Variants in RAD54B observed in about 807,000 individuals in gnomAD.
RAD54B encodes the protein DNA repair and recombination protein RAD54B.
RAD54B carries 78 observed loss-of-function variants against 95.8 expected under a neutral mutation model. That is an observed-to-expected ratio of 0.81 (90% CI 0.68 to 0.98). The LOEUF is 0.98. Among genes scored for constraint, RAD54B ranks in the 50% least tolerant of loss-of-function variants. The pLI, the probability that RAD54B is intolerant of heterozygous loss-of-function variation, is 0.00. For synonymous variants in RAD54B, 328 were observed against 354.9 expected, an observed-to-expected ratio of 0.92 and a Z score of 0.85; for missense variants, 957 against 1,056.6, an observed-to-expected ratio of 0.91 and a Z score of 1.31.
At chr8:94,466,272 T>G (rs975139978) in intron 2 of RAD54B, among the ~76,000 whole-genome samples, 2 of 152,198 alleles carry the variant, frequency 1.3e-5, no homozygotes, top group Non-Finnish European at 2.9e-5. Flanking sequence ...GTAGTGTGAA[T>G]TCTCCATTTT....
At chr8:94,471,273 G>GT (rs1813166822) in intron 1 of RAD54B, among the ~76,000 whole-genome samples, 1 of 149,178 alleles carries the variant, frequency 6.7e-6, no homozygotes, top group African/African-American at 2.5e-5. Context: ...GGTGGCGGGG[G>GT]GGGGCAGTAC....
chr8:94,432,943 G>C (rs1440396612), intron 3 of RAD54B, among the ~76,000 whole-genome samples: 1 of 151,984 alleles, frequency 6.6e-6, no homozygotes, highest in Non-Finnish European at 1.5e-5. Context: ...AAAAAGAAAA[G>C]CCAGTTTTCA....
At position 94,458,355 on chromosome 8, in the gene RAD54B, T is replaced by C; in HGVS notation, c.217A>G (p.Thr73Ala). Residue 73 changes from threonine to alanine, a missense_variant, in exon 3 of 15, where the codon ACT (threonine) becomes GCT (alanine). Coordinates refer to ENST00000336148, the MANE Select transcript of RAD54B (RefSeq NM_012415.3). ...TTATCTCTGTTATTGATTTCTCTAG[T>C]ACTTTCTTCACTAGGCAGATTTAAA... ...CSLNLPSEES[T>A]REINNRDNCS... is the part of the protein sequence containing the mutation. 1.2e-6 allele frequency: 2 copies of C among 1,610,138 alleles called. No homozygotes were observed. Among genetic ancestry groups the C allele is most frequent in the Non-Finnish European group, 1.7e-6 (2 of 1,178,406 alleles).
At chr8:94,447,396 A>G (rs931486815) in intron 3 of RAD54B, among the ~76,000 whole-genome samples, 11 of 152,192 alleles carry the variant, frequency 7.2e-5, no homozygotes, top group African/African-American at 2.7e-4. Context: ...TACTGCAAAC[A>G]TTGCTAAGCT....
At position 94,404,253 on chromosome 8, in the gene RAD54B, A is replaced by G. The variant is rs1811331353; in HGVS notation, c.782-14T>C. The G allele has an allele frequency of 6.3e-7, 1 of 1,578,470 alleles. No individual in the cohort carries two copies. The highest frequency in any genetic ancestry group is 1.9e-5 in the Admixed American group (1 of 53,722). On this transcript the variant is annotated splice_polypyrimidine_tract_variant and intron_variant, in intron 5 of 14. Coordinates refer to ENST00000336148, the MANE Select transcript of RAD54B (RefSeq NM_012415.3). ...TAACGAGGGAATCTTAAAAAATGAT[A>G]AAAGTACAAGTATTGTAATTTCACT... is the stretch of plus-strand genomic sequence containing the variant.
intron 14 of RAD54B, among the ~76,000 whole-genome samples, chr8:94,375,516 T>C (rs1810546910): frequency 6.6e-6 from 1 of 152,248 alleles, no homozygotes; most frequent in Non-Finnish European, 1.5e-5. Flanking sequence ...CTGCCATTAA[T>C]GTGAGGCCTC....
rs1195355455 is a variant in RAD54B, at chr8:94,416,032, C to G, written c.305-4717G>C. ...CATTACTGGGTATATACCCAAAGGA[C>G]TATAAATCATGCTGCTATAAAGACA... is the stretch of plus-strand genomic sequence containing the variant. On this transcript the variant is annotated intron_variant, in intron 3 of 14. Coordinates refer to ENST00000336148, the MANE Select transcript of RAD54B (RefSeq NM_012415.3). Among the ~76,000 whole-genome samples, 5 of 147,716 alleles carry G rather than the reference C, an allele frequency of 3.4e-5. No homozygotes were observed. The Admixed American group carries it at 3.4e-4, about 10-fold the overall frequency.
intron 3 of RAD54B, among the ~76,000 whole-genome samples, chr8:94,444,494 TG>T (rs1233104787): frequency 6.6e-6 from 1 of 150,732 alleles, no homozygotes; most frequent in Non-Finnish European, 1.5e-5. Flanking sequence ...AAGAATAAGG[TG>T]GATCTACGTG....
At chr8:94,444,894 T>A (rs924081232) in intron 3 of RAD54B, among the ~76,000 whole-genome samples, 4 of 152,286 alleles carry the variant, frequency 2.6e-5, no homozygotes, top group African/African-American at 7.2e-5. Context: ...TGAAATGTAA[T>A]CATCAGGAAG....
At position 94,386,973 on chromosome 8, in the gene RAD54B, A is replaced by G. The variant is rs1277028029; in HGVS notation, c.1985+11T>C. The G allele has an allele frequency of 3.2e-6, 5 of 1,581,664 alleles. No homozygotes were observed. The African/African-American group carries it at 5.5e-5, about 17-fold the overall frequency. ...CTATGAGCACTTATAAGTTTGTTAAATCGATCTTACTTTTCAGTAGGTCGA... is the reference window on the plus strand; with the variant it reads ...CTATGAGCACTTATAAGTTTGTTAAGTCGATCTTACTTTTCAGTAGGTCGA... On this transcript the variant is annotated intron_variant, in intron 11 of 14. Coordinates refer to ENST00000336148, the MANE Select transcript of RAD54B (RefSeq NM_012415.3).
chr8:94,443,382 G>C (rs941000225), intron 3 of RAD54B, among the ~76,000 whole-genome samples: 2 of 152,052 alleles, frequency 1.3e-5, no homozygotes, highest in Non-Finnish European at 2.9e-5. Context: ...CTAGGTGATG[G>C]GATGACCTGT....
intron 3 of RAD54B, among the ~76,000 whole-genome samples, chr8:94,447,765 C>A (rs2890804): frequency 6.6e-6 from 1 of 152,100 alleles, no homozygotes; most frequent in African/African-American, 2.4e-5. Flanking sequence ...TGAGAAAAAG[C>A]GTGTGGCCAC....
intron 3 of RAD54B, among the ~76,000 whole-genome samples, chr8:94,415,329 A>ACTGGATC (rs965384543): frequency 1.4e-5 from 2 of 144,698 alleles, no homozygotes; most frequent in African/African-American, 5.1e-5. Flanking sequence ...GAAAGCTGAA[A>ACTGGATC]CTGGATCCCT....
At chr8:94,386,244 TG>T (rs78213051) in intron 11 of RAD54B, among the ~76,000 whole-genome samples, 58,557 of 151,850 alleles carry the variant, frequency 0.39, 11,448 homozygotes, top group Admixed American at 0.5. Flanking sequence ...TGACTGACAC[TG>T]TGGGATAAAT....
At chr8:94,455,124 G>A (rs185396693) in intron 3 of RAD54B, among the ~76,000 whole-genome samples, 33 of 152,162 alleles carry the variant, frequency 2.2e-4, no homozygotes, top group African/African-American at 7.2e-4. Context: ...ATACTTACTC[G>A]CATTCACTTC....
chr8:94,399,307 A>G lies in RAD54B; in HGVS notation c.1378+107T>C. 3 of 838,200 alleles carry G rather than the reference A, an allele frequency of 3.6e-6. No individual in the cohort carries two copies. The South Asian group carries it at 5.0e-5, about 14-fold the overall frequency. 51.9% of individuals were successfully genotyped at this position (838,200 alleles called of 1,614,324 possible). On this transcript the variant is annotated intron_variant, in intron 8 of 14. Coordinates refer to ENST00000336148, the MANE Select transcript of RAD54B (RefSeq NM_012415.3). ...TAATTAACACAGGTTTATTAGTATA[A>G]ATTCCATCCAACACCACCAGTTATT... is the stretch of plus-strand genomic sequence containing the variant.
intron 3 of RAD54B, among the ~76,000 whole-genome samples, chr8:94,443,114 T>C (rs56859277): frequency 0.04 from 6,041 of 152,296 alleles, 134 homozygotes; most frequent in Non-Finnish European, 0.049. Context: ...GCTTACCTTC[T>C]TAGGTACACA....
At chr8:94,467,767 T>C (rs1415783331) in intron 1 of RAD54B, among the ~76,000 whole-genome samples, 3 of 152,224 alleles carry the variant, frequency 2.0e-5, no homozygotes, top group African/African-American at 4.8e-5. Context: ...ATGAGCAATA[T>C]GATTAGCAAG....
intron 11 of RAD54B, among the ~76,000 whole-genome samples, chr8:94,383,284 CAAAAAAAAAAAAAAA>C (rs34552024): frequency 1.2e-5 from 1 of 83,186 alleles, no homozygotes; most frequent in Non-Finnish European, 2.2e-5. Flanking sequence ...GACTCCATCT[CAAAAAAAAAAAAAAA>C]AAAAGCCCCA....
Sources: allele counts gnomAD v4.1 joint callset (sites outside exome capture counted in the v4.1 genomes callset), GRCh38; gene constraint gnomAD v4.1.1; transcripts MANE v1.5; gene names NCBI Gene and HGNC (gene_info 2026-07-23, HGNC 2026-07-21).